Variants in CLASP1 observed in about 807,000 individuals in gnomAD.
CLASP1 encodes the protein cytoplasmic linker associated protein 1.
CLASP1 carries 38 observed loss-of-function variants against 192.3 expected under a neutral mutation model. The ratio of observed to expected loss-of-function variants is 0.20; its 90% CI spans 0.15 to 0.26. The LOEUF (loss-of-function observed/expected upper bound fraction) is 0.26. Among genes scored for constraint, CLASP1 ranks in the 10% least tolerant of loss-of-function variants. The probability of loss-of-function intolerance (pLI) is 1.00; values close to 1 mark genes in which losing one functional copy is unlikely to be tolerated. For missense variants in CLASP1, 1,433 were observed against 1,932.5 expected, an observed-to-expected ratio of 0.74 and a Z score of 4.85; for synonymous variants, 691 against 712.8, an observed-to-expected ratio of 0.97 and a Z score of 0.49.
At chr2:121,525,970 GA>G (rs1559517089) in intron 5 of CLASP1, 50 bp from the exon 6 acceptor site, 3 of 1,388,602 alleles carry the variant, frequency 2.2e-6, no homozygotes, top group East Asian at 4.6e-5. Flanking sequence ...AGGAAAGAAA[GA>G]AAGATGCCTG....
At chr2:121,462,724 T>C in intron 9 of CLASP1, 119 bp from the exon 10 acceptor site, 1 of 642,548 alleles carries the variant, frequency 1.6e-6, no homozygotes, top group Non-Finnish European at 2.7e-6. Context: ...AACATTTTTT[T>C]AAAAGGCTTC....
At chr2:121,469,940 C>G in exon 9 of CLASP1, 1 of 1,610,828 alleles carries the variant, frequency 6.2e-7, no homozygotes, top group South Asian at 1.1e-5. Flanking sequence ...TCCACAGAAT[C>G]TTCATCGTCG....
intron 1 of CLASP1, among the ~76,000 whole-genome samples, chr2:121,625,788 T>C (rs866894414): frequency 2.0e-5 from 3 of 150,886 alleles, no homozygotes; most frequent in Non-Finnish European, 4.4e-5. Context: ...CAGACTTAGG[T>C]GAGTAAGAAG....
At chr2:121,403,917 T>C (rs1312150780) in intron 26 of CLASP1, 2 of 432,394 alleles carry the variant, frequency 4.6e-6, no homozygotes, top group African/African-American at 4.1e-5. Context: ...GGTTTATCAA[T>C]AAATCCATTA....
chr2:121,630,384 ACACAC>A (rs1559818740), intron 1 of CLASP1, among the ~76,000 whole-genome samples: 3 of 9,588 alleles, frequency 3.1e-4, no homozygotes, highest in African/African-American at 4.8e-4. Flanking sequence ...GGAAAGAAAC[ACACAC>A]ACACACACAC....
At chr2:121,450,882 AT>A in intron 16 of CLASP1, 30 bp downstream of exon 16, 1 of 1,451,522 alleles carries the variant, frequency 6.9e-7, no homozygotes, top group Non-Finnish European at 9.6e-7. Context: ...GAAGAAGTTA[AT>A]TTAAAAAGTG....
intron 6 of CLASP1, among the ~76,000 whole-genome samples, chr2:121,516,432 C>T (rs2094294569): frequency 2.6e-5 from 4 of 152,132 alleles, no homozygotes; most frequent in South Asian, 2.1e-4. Flanking sequence ...GAGCGAATTC[C>T]GAATAAGACA....
rs1205080425 is a variant in CLASP1, at chr2:121,527,783, C to G, written c.470+16G>C. On this transcript the variant is annotated intron_variant, in intron 5 of 39. Transcript: ENST00000263710. ...AATTCAGCCACGTAAAAATGTCAGG[C>G]TCATCCCAGACTTACGCATTGAGTG... The G allele has an allele frequency of 6.3e-7, 1 of 1,576,470 alleles. No individual in the cohort carries two copies.
At chr2:121,554,037 G>A (rs1490223304) in intron 2 of CLASP1, among the ~76,000 whole-genome samples, 3 of 150,808 alleles carry the variant, frequency 2.0e-5, no homozygotes, top group Admixed American at 6.6e-5. Context: ...AACATAGTGA[G>A]ATGCCATCTC....
At chr2:121,394,310 A>G (rs1281468100) in intron 30 of CLASP1, among the ~76,000 whole-genome samples, 1 of 152,262 alleles carries the variant, frequency 6.6e-6, no homozygotes, top group African/African-American at 2.4e-5. Context: ...GAGAGATTCA[A>G]AATGAGAGAG....
Position 121,457,681 on chromosome 2 carries a change from A to G in CLASP1, c.1385+6T>C, listed in dbSNP as rs1456292258. The stretch of plus-strand genomic sequence containing the variant: ...AAAAACAATGAGAAAATCCTTTAAA[A>G]TTTACCTTCTAACTGCGACAGACTT... On this transcript the variant is annotated splice_donor_region_variant and intron_variant, in intron 14 of 39. Transcript: ENST00000263710. 1 of 1,603,954 alleles carries G rather than the reference A, an allele frequency of 6.2e-7. No individual in the cohort carries two copies.
intron 28 of CLASP1, 108 bp downstream of exon 29, chr2:121,401,401 G>T: frequency 1.3e-6 from 1 of 785,440 alleles, no homozygotes; most frequent in Non-Finnish European, 2.1e-6. Flanking sequence ...CTGAGTAAAA[G>T]AGATATTCAA....
At chr2:121,339,163 ACACACAC>A in exon 40 of CLASP1, 1 of 153,988 alleles carries the variant, frequency 6.5e-6, no homozygotes, top group East Asian at 1.9e-4. Context: ...ACACACACAC[ACACACAC>A]GTCAGCACCC....
At chr2:121,484,201 T>C (rs1377050629) in intron 8 of CLASP1, among the ~76,000 whole-genome samples, 1 of 152,240 alleles carries the variant, frequency 6.6e-6, no homozygotes, top group Non-Finnish European at 1.5e-5. Flanking sequence ...ATTTGATAAC[T>C]GTCCTCACAC....
chr2:121,477,884 C>A (rs1415882284), intron 8 of CLASP1, among the ~76,000 whole-genome samples: 1 of 152,182 alleles, frequency 6.6e-6, no homozygotes, highest in African/African-American at 2.4e-5. Context: ...CCTGACAACG[C>A]TGAGAGAAGG....
At chr2:121,459,990 T>C in exon 12 of CLASP1, 1 of 1,612,482 alleles carries the variant, frequency 6.2e-7, no homozygotes, top group African/African-American at 1.3e-5. Flanking sequence ...CCCAACGTGA[T>C]ACAAGCCTCC....
rs2078984517 is a variant in CLASP1, at chr2:121,418,613, T to G, written c.2320+9A>C. 3 of 1,602,924 alleles carry G rather than the reference T, an allele frequency of 1.9e-6. No individual in the cohort carries two copies. Among genetic ancestry groups the G allele is most frequent in the Non-Finnish European group, 2.6e-6 (3 of 1,170,210 alleles). On this transcript the variant is annotated intron_variant, in intron 23 of 39. Coordinates refer to ENST00000263710, the Ensembl canonical transcript of CLASP1. ...CTTTGCTCCTCAGCCAGCACCTACG[T>G]GTACTCACCAAGTGGAGGAAAGCCC...
At chr2:121,589,354 G>A (rs778464212) in intron 2 of CLASP1, among the ~76,000 whole-genome samples, 1 of 152,308 alleles carries the variant, frequency 6.6e-6, no homozygotes, top group South Asian at 2.1e-4. Flanking sequence ...TATAGGCCGG[G>A]TGCGGTGGCT....
chr2:121,587,261 G>A (rs914633967), intron 2 of CLASP1, among the ~76,000 whole-genome samples: 2 of 152,040 alleles, frequency 1.3e-5, no homozygotes, highest in African/African-American at 2.4e-5. Context: ...AAAAAAGGAA[G>A]AAGACAGAGA....
Sources: gnomAD v4.1 joint callset for allele counts (sites outside exome capture counted in the v4.1 genomes callset) on GRCh38, gnomAD v4.1.1 for gene constraint, MANE v1.5 for transcripts, NCBI Gene and HGNC (gene_info 2026-07-23, HGNC 2026-07-21) for gene names.